The following TNC variants were observed in gnomAD, a reference collection of about 807,000 sequenced individuals.
The protein encoded by TNC is tenascin C.
TNC carries 109 observed loss-of-function variants against 202.4 expected under a neutral mutation model. The observed-to-expected ratio is 0.54, with a 90% confidence interval of 0.46 to 0.63. TNC has a LOEUF of 0.63. Ranked by LOEUF, TNC falls within the 30% of genes least tolerant of loss-of-function variation. TNC has a pLI of 0.00. For synonymous variants in TNC, 1,007 were observed against 1,089.7 expected (o/e 0.92, Z 1.50); for missense variants, 2,756 against 2,833.3 (o/e 0.97, Z 0.62).
At chr9:115,093,737 A>G (rs1419835329) in intron 1 of TNC, among the ~76,000 whole-genome samples, 2 of 151,854 alleles carry the variant, frequency 1.3e-5, no homozygotes, top group African/African-American at 2.4e-5. Context: ...AAAAGCCATT[A>G]TAGTTGCTGA....
Position 115,064,913 on chromosome 9 carries a change from G to A in TNC, c.3221C>T (p.Ala1074Val), listed in dbSNP as rs143899957. Residue 1074 changes from alanine (A) to valine (V), a missense_variant, in exon 11 of 28, where the codon GCC (alanine) becomes GTC (valine). Physicochemically the swap from Ala to Val is moderately conservative, Grantham distance 64. Transcript: ENST00000350763. ...PARVKASTEQ[A>V]PELENLTVTE... ...CACGGTGAGGTTTTCCAGCTCAGGG[G>A]CTTGTTCTGAATAATGACAGAGATG... 2.0e-5 allele frequency: 33 copies of A among 1,613,386 alleles called. No homozygotes were observed. In the African/African-American group the frequency reaches 3.3e-4, roughly 16 times the overall value.
At chr9:115,087,530 GTGT>G (rs1564125303) in intron 2 of TNC, among the ~76,000 whole-genome samples, 2 of 6,152 alleles carry the variant, frequency 3.3e-4, no homozygotes, top group Non-Finnish European at 1.9e-3. Flanking sequence ...GCATAGGGGT[GTGT>G]GTGTGTGTGT....
intron 27 of TNC, among the ~76,000 whole-genome samples, chr9:115,023,703 G>C (rs545816705): frequency 6.6e-6 from 1 of 152,338 alleles, no homozygotes; most frequent in African/African-American, 2.4e-5. Flanking sequence ...GGTTCAGACA[G>C]AGATTTTGTC....
At chr9:115,089,508 CT>C (rs1200323657) in intron 2 of TNC, among the ~76,000 whole-genome samples, 6 of 150,178 alleles carry the variant, frequency 4.0e-5, no homozygotes, top group South Asian at 4.2e-4. Flanking sequence ...CTCTCTATCT[CT>C]TTTTTTTTCG....
chr9:115,079,478 C>A (rs1474193845), intron 6 of TNC, among the ~76,000 whole-genome samples: 1 of 152,146 alleles, frequency 6.6e-6, no homozygotes, highest in Admixed American at 6.5e-5. Flanking sequence ...TAGGTGCTAG[C>A]AAGCACCCAA....
chr9:115,098,133 G>A lies in TNC; in HGVS notation c.-136-6979C>T, dbSNP rs556599756. Among the ~76,000 whole-genome samples the A allele has an allele frequency of 1.2e-4, 18 of 152,338 alleles. No homozygotes were observed. In the South Asian group the frequency reaches 1.9e-3, roughly 16 times the overall value. ...GTGTGGGGTGGAAGAAGGGTTAAAT[G>A]TTAAGCTTTAATCTTATTTCAATTG... On this transcript the variant is annotated intron_variant, in intron 1 of 27. Coordinates refer to ENST00000350763, the MANE Select transcript of TNC (RefSeq NM_002160.4).
Position 115,037,014 on chromosome 9 carries a change from ACTATACCT to A in TNC, c.5513-781_5513-774del, listed in dbSNP as rs538960537. 1.7e-4 allele frequency among the ~76,000 whole-genome samples: 26 copies of A among 152,300 alleles called. No homozygotes were observed. The East Asian group carries it at 5.0e-3, about 29-fold the overall frequency. On this transcript the variant is annotated intron_variant, in intron 20 of 27. Coordinates refer to ENST00000350763, the MANE Select transcript of TNC (RefSeq NM_002160.4). ...TCTACAATCTCCATGGTTCCCATGA[ACTATACCT>A]GATTCATTTTAGGTGCAACACCATC...
At chr9:115,038,958 G>T (rs1018217808) in intron 19 of TNC, among the ~76,000 whole-genome samples, 3 of 152,114 alleles carry the variant, frequency 2.0e-5, no homozygotes, top group African/African-American at 7.2e-5. Context: ...CTCCCAAGTA[G>T]CTGGGATTGC....
Position 115,086,946 on chromosome 9 carries a change from G to A in TNC, c.785C>T (p.Thr262Ile). ...CPVPCSEEHG[T>I]CVDGLCVCHD... Reference sequence around the variant, plus strand: ...GCACACACACAAGCCATCTACACATGTGCCGTGCTCCTCACTGCAGGGCAC... The same window carrying A: ...GCACACACACAAGCCATCTACACATATGCCGTGCTCCTCACTGCAGGGCAC... Residue 262 changes from threonine (T) to isoleucine (I), a missense_variant, in exon 3 of 28, where the codon ACA (threonine) becomes ATA (isoleucine). By Grantham distance (89) the Thr-to-Ile change is moderately conservative. Coordinates refer to ENST00000350763, the MANE Select transcript of TNC (RefSeq NM_002160.4). The A allele has an allele frequency of 6.2e-7, 1 of 1,614,194 alleles. No homozygotes were observed. The highest frequency in any genetic ancestry group is 1.1e-5 in the South Asian group (1 of 91,086).
rs1000654506 is a variant in TNC at position 115,034,693 on chromosome 9, T to A, written c.5787+511A>T. Among the ~76,000 whole-genome samples the A allele has an allele frequency of 5.3e-5, 8 of 152,144 alleles. No individual in the cohort carries two copies. In the South Asian group the frequency reaches 1.7e-3, roughly 32 times the overall value. On this transcript the variant is annotated intron_variant, in intron 22 of 27. Coordinates refer to ENST00000350763, the MANE Select transcript of TNC (RefSeq NM_002160.4). ...AGTTTGGAAGGTAAAGTTTAGGAAA[T>A]CTCCTTCGCTTGTTTGAAGATCTAA...
chr9:115,090,174 T>C (rs998146720), intron 2 of TNC, among the ~76,000 whole-genome samples: 1 of 152,182 alleles, frequency 6.6e-6, no homozygotes, highest in Non-Finnish European at 1.5e-5. Flanking sequence ...AATGAGGTGA[T>C]GGGGCCACAG....
At chr9:115,068,483 AG>A (rs1833118840) in intron 10 of TNC, among the ~76,000 whole-genome samples, 1 of 152,210 alleles carries the variant, frequency 6.6e-6, no homozygotes, top group African/African-American at 2.4e-5. Context: ...CTCCCACAGC[AG>A]GGGCATGGTC....
At position 115,043,656 on chromosome 9, in the gene TNC, C is replaced by G. The variant is rs367675650; in HGVS notation, c.5126-1315G>C. 1.6e-4 allele frequency among the ~76,000 whole-genome samples: 24 copies of G among 152,266 alleles called. No homozygotes were observed. In the South Asian group the frequency reaches 4.6e-3, roughly 29 times the overall value. ...GATTGCCCTCTCTTTATTTTCTTTC[C>G]AATGTCCCTCTTTCCTCCATGGGCC... On this transcript the variant is annotated intron_variant, in intron 17 of 27. Coordinates refer to ENST00000350763, the MANE Select transcript of TNC (RefSeq NM_002160.4).
In TNC at chr9:115,090,626, G is replaced by T; in HGVS notation, c.393C>A (p.Asn131Lys). ...ELLSRLEELE[N>K]LVSSLREQCT... ...ATTGCTCCCTCAGGGAAGACACCAG[G>T]TTCTCCAGCTCCTCCAGTCTGCTCA... The change falls in exon 2 of 28, where the codon AAC (asparagine) becomes AAA (lysine). Residue 131 changes from asparagine to lysine, a missense_variant. This residue lies in a region of TNC where 2,559 missense variants were observed against 2,546.0 expected (regional missense o/e 1.01). Coordinates refer to ENST00000350763, the MANE Select transcript of TNC (RefSeq NM_002160.4). 6.2e-7 allele frequency: 1 copy of T among 1,610,258 alleles called. No homozygotes were observed. Among genetic ancestry groups the T allele is most frequent in the Non-Finnish European group, 8.5e-7 (1 of 1,177,576 alleles).
rs114328649 is a variant in TNC at position 115,100,808 on chromosome 9, A to G, written c.-136-9654T>C. ...GCTTGAATCTAGTAATCATATCACA[A>G]TGTATACATATATTAAATTATCACG... On this transcript the variant is annotated intron_variant, in intron 1 of 27. Coordinates refer to ENST00000350763, the MANE Select transcript of TNC (RefSeq NM_002160.4). Among the ~76,000 whole-genome samples, 1,483 of 152,358 alleles carry G rather than the reference A, an allele frequency of 9.7e-3. 22 individuals carry two copies. Among genetic ancestry groups the G allele is most frequent in the African/African-American group, 0.034 (1,413 of 41,576 alleles).
chr9:115,021,337 GTGTTC>G, intron 27 of TNC, 70 bp from the exon 28 acceptor site: 4 of 1,058,366 alleles, frequency 3.8e-6, no homozygotes. Flanking sequence ...GTTAGGCGAG[GTGTTC>G]ACTGATCATT....
intron 22 of TNC, among the ~76,000 whole-genome samples, chr9:115,032,129 T>C (rs531884399): frequency 6.6e-6 from 1 of 152,314 alleles, no homozygotes; most frequent in Non-Finnish European, 1.5e-5. Context: ...GGGGTTTTTT[T>C]TTGGATGAGA....
In TNC at chr9:115,048,211, C is replaced by T. The variant is rs186694670; in HGVS notation, c.4852+49G>A. On this transcript the variant is annotated intron_variant, in intron 16 of 27. Coordinates refer to ENST00000350763, the MANE Select transcript of TNC (RefSeq NM_002160.4). ...ATGGCGATCCGGTAGACAGATTACA[C>T]AGAAGGGGACCAGGAAGAGGAACAA... 5.5e-5 allele frequency: 87 copies of T among 1,593,800 alleles called. No homozygotes were observed. The Middle Eastern group carries it at 1.3e-3, about 23-fold the overall frequency.
intron 25 of TNC, among the ~76,000 whole-genome samples, chr9:115,027,131 A>AC (rs2131575117): frequency 6.6e-6 from 1 of 151,682 alleles, no homozygotes; most frequent in African/African-American, 2.4e-5. Flanking sequence ...AAAAAAAAAA[A>AC]GGGCCATATC....
Sources: allele counts gnomAD v4.1 joint callset (sites outside exome capture counted in the v4.1 genomes callset), GRCh38; gene constraint gnomAD v4.1.1; regional missense constraint gnomAD v4.1.1; transcripts MANE v1.5; gene names NCBI Gene and HGNC (gene_info 2026-07-23, HGNC 2026-07-21).